The following GALNT18 variants were observed in gnomAD, a reference collection of about 807,000 sequenced individuals.
GALNT18 encodes polypeptide N-acetylgalactosaminyltransferase 18, also known as GalNAc-transferase 18.
Under a neutral mutation model 69.5 loss-of-function variants are expected in GALNT18, and 44 were observed. The ratio of observed to expected loss-of-function variants is 0.63; its 90% CI spans 0.50 to 0.81. GALNT18 has a LOEUF of 0.81. Among genes scored for constraint, GALNT18 ranks in the 40% least tolerant of loss-of-function variants. GALNT18 has a pLI of 0.00. For synonymous variants in GALNT18, 364 were observed against 318.2 expected (o/e 1.14, Z -1.53); for missense variants, 715 against 810.0 (o/e 0.88, Z 1.42).
chr11:11,547,164 C>A (rs991024732), intron 1 of GALNT18, among the ~76,000 whole-genome samples: 2 of 152,138 alleles, frequency 1.3e-5, no homozygotes, highest in Non-Finnish European at 2.9e-5. Context: ...CAAATGACAG[C>A]CACTGCTGTT....
At position 11,332,386 on chromosome 11, in the gene GALNT18, C is replaced by G. The variant is rs1850031662; in HGVS notation, c.1416+308G>C. On this transcript the variant is annotated intron_variant, in intron 8 of 10. Transcript: ENST00000227756. The surrounding 1 kb of genome is among the most constrained non-coding windows in gnomAD (Gnocchi z 4.3). ...CTGGGAGAACAGCAGGTGTTTGTTA[C>G]CTTACCTTTTAATCTTAAGCTAACT... is the stretch of plus-strand genomic sequence containing the variant. Among the ~76,000 whole-genome samples, 1 of 152,152 alleles carries G rather than the reference C, an allele frequency of 6.6e-6. No individual in the cohort carries two copies. The highest frequency in any genetic ancestry group is 1.5e-5 in the Non-Finnish European group (1 of 68,022).
rs1352570842 is a variant in GALNT18 at position 11,592,899 on chromosome 11, G to A, written c.235+28460C>T. ...ATGCTAAGGGTCAGACCAGAACAGA[G>A]GACGCCCATGCTTCGCGTTGTTTTT... On this transcript the variant is annotated intron_variant, in intron 1 of 10. Coordinates refer to ENST00000227756, the MANE Select transcript of GALNT18 (RefSeq NM_198516.3). The surrounding 1 kb of genome is among the most constrained non-coding windows in gnomAD (Gnocchi z 5.9). Among the ~76,000 whole-genome samples the A allele has an allele frequency of 6.6e-6, 1 of 152,128 alleles. No homozygotes were observed. Among genetic ancestry groups the A allele is most frequent in the Non-Finnish European group, 1.5e-5 (1 of 68,026 alleles).
intron 1 of GALNT18, among the ~76,000 whole-genome samples, chr11:11,486,309 C>T (rs1024287940): frequency 6.6e-6 from 1 of 152,120 alleles, no homozygotes; most frequent in African/African-American, 2.4e-5. Context: ...GCCCATGCTG[C>T]ATCAGGACTA....
chr11:11,442,692 G>C (rs1198977168), intron 2 of GALNT18, among the ~76,000 whole-genome samples: 1 of 152,214 alleles, frequency 6.6e-6, no homozygotes, highest in Non-Finnish European at 1.5e-5. Flanking sequence ...CCAGGGCTCT[G>C]TTGTGAGCCT....
At chr11:11,325,195 G>A (rs931860628) in intron 9 of GALNT18, among the ~76,000 whole-genome samples, 2 of 152,204 alleles carry the variant, frequency 1.3e-5, no homozygotes, top group Admixed American at 6.5e-5. Context: ...ATAAAATAAT[G>A]TCTTTTGCAG....
chr11:11,282,902 G>C (rs1393948720), intron 10 of GALNT18, among the ~76,000 whole-genome samples: 1 of 151,218 alleles, frequency 6.6e-6, no homozygotes, highest in Non-Finnish European at 1.5e-5. Context: ...AAGGTGATAA[G>C]GTTGTATACA....
At chr11:11,571,526 A>G (rs1223296708) in intron 1 of GALNT18, among the ~76,000 whole-genome samples, 2 of 152,178 alleles carry the variant, frequency 1.3e-5, no homozygotes, top group Non-Finnish European at 1.5e-5. Context: ...CCCAGTGAAC[A>G]CCAGCTTTCT....
chr11:11,587,537 C>T lies in GALNT18; in HGVS notation c.235+33822G>A, dbSNP rs1477902364. Among the ~76,000 whole-genome samples the T allele has an allele frequency of 2.0e-5, 3 of 152,314 alleles. No individual in the cohort carries two copies. The highest frequency in any genetic ancestry group is 2.1e-4 in the South Asian group (1 of 4,820). ...TGGAGCTCAGCCTAGGATTTGAATACAGGAGCTTTGCAAGACCATCAGTAG... is the reference window on the plus strand; with the variant it reads ...TGGAGCTCAGCCTAGGATTTGAATATAGGAGCTTTGCAAGACCATCAGTAG... On this transcript the variant is annotated intron_variant, in intron 1 of 10. Coordinates refer to ENST00000227756, the MANE Select transcript of GALNT18 (RefSeq NM_198516.3). This position sits in a 1 kb window ranked among gnomAD's most constrained non-coding sequence, Gnocchi z 4.4.
intron 1 of GALNT18, among the ~76,000 whole-genome samples, chr11:11,594,999 G>GTA (rs1554956061): frequency 1.3e-4 from 19 of 147,870 alleles, no homozygotes; most frequent in South Asian, 2.1e-4. Flanking sequence ...GTGTGTGTGT[G>GTA]TATATATATC....
intron 9 of GALNT18, among the ~76,000 whole-genome samples, chr11:11,299,923 C>G (rs1333009953): frequency 6.6e-6 from 1 of 152,224 alleles, no homozygotes; most frequent in Non-Finnish European, 1.5e-5. Flanking sequence ...CCAATCCCCT[C>G]TTCTACCAAC....
At chr11:11,351,324 G>A (rs911037807) in intron 6 of GALNT18, among the ~76,000 whole-genome samples, 1 of 152,190 alleles carries the variant, frequency 6.6e-6, no homozygotes, top group Non-Finnish European at 1.5e-5. Flanking sequence ...CAGGGTGGTA[G>A]AGGAAAGGTC....
rs1431609429 is a variant in GALNT18 at position 11,402,314 on chromosome 11, T to C, written c.596-23050A>G. On this transcript the variant is annotated intron_variant, in intron 3 of 10. Transcript: ENST00000227756. The surrounding 1 kb of genome is among the most constrained non-coding windows in gnomAD (Gnocchi z 4.0). The stretch of plus-strand genomic sequence containing the variant: ...TCATTTATGAAATGTAAGCAACTCA[T>C]CCAATATTCTCAGAAAAAATAACTG... Among the ~76,000 whole-genome samples, 5 of 152,226 alleles carry C rather than the reference T, an allele frequency of 3.3e-5. No individual in the cohort carries two copies. Among genetic ancestry groups the C allele is most frequent in the African/African-American group, 4.8e-5 (2 of 41,458 alleles).
chr11:11,551,471 G>A (rs375651676), intron 1 of GALNT18, among the ~76,000 whole-genome samples: 4 of 152,146 alleles, frequency 2.6e-5, no homozygotes, highest in East Asian at 3.9e-4. Flanking sequence ...GATTCCCAAA[G>A]CCCAGAAATT....
chr11:11,455,925 C>A (rs559242579), intron 1 of GALNT18, among the ~76,000 whole-genome samples: 1 of 152,184 alleles, frequency 6.6e-6, no homozygotes, highest in African/African-American at 2.4e-5. Context: ...CCCATCTCTA[C>A]TAAAAATACA....
Position 11,327,128 on chromosome 11 carries a change from C to T in GALNT18, c.1470G>A (p.Glu490=), listed in dbSNP as rs527964041. The T allele has an allele frequency of 6.2e-7, 1 of 1,614,086 alleles. No individual in the cohort carries two copies. Among genetic ancestry groups the T allele is most frequent in the South Asian group, 1.1e-5 (1 of 91,080 alleles). ...GGCAGATGTACATGATGGGGACATT[C>T]TCTGTATCTGGCCCCTGGTCAAGAC... ...DLCLDQGPDT[E]NVPIMYICHG... Residue 490 remains glutamate (E), a synonymous_variant, in exon 9 of 11, where the codon GAG becomes GAA. Transcript: ENST00000227756.
At chr11:11,286,588 C>T (rs1278623329) in intron 10 of GALNT18, among the ~76,000 whole-genome samples, 1 of 152,028 alleles carries the variant, frequency 6.6e-6, no homozygotes, top group Non-Finnish European at 1.5e-5. Context: ...TAGCTCAAGA[C>T]CTTGCACACA....
At chr11:11,271,598 A>AC (rs1357212316) in intron 10 of GALNT18, among the ~76,000 whole-genome samples, 5 of 64,892 alleles carry the variant, frequency 7.7e-5, no homozygotes, top group Non-Finnish European at 1.8e-4. Context: ...TACAGCTCCT[A>AC]CCCCAGGGGC....
At chr11:11,446,975 G>C (rs577368252) in intron 2 of GALNT18, among the ~76,000 whole-genome samples, 146 of 152,290 alleles carry the variant, frequency 9.6e-4, no homozygotes, top group Non-Finnish European at 1.5e-3. Flanking sequence ...GTGTGGCCTT[G>C]GCATCAGGAT....
chr11:11,436,835 C>G lies in GALNT18; in HGVS notation c.429-4048G>C, dbSNP rs538784304. ...AGTCCAAGTCACCTTGAAAAGAACA[C>G]GCCTCCAAGAGCTGCGTGGGAGAGG... On this transcript the variant is annotated intron_variant, in intron 2 of 10. Transcript: ENST00000227756. This position sits in a 1 kb window ranked among gnomAD's most constrained non-coding sequence, Gnocchi z 4.5. Among the ~76,000 whole-genome samples the G allele has an allele frequency of 6.6e-6, 1 of 152,348 alleles. No homozygotes were observed. Among genetic ancestry groups the G allele is most frequent in the South Asian group, 2.1e-4 (1 of 4,828 alleles).
Sources: allele counts gnomAD v4.1 joint callset (sites outside exome capture counted in the v4.1 genomes callset), GRCh38; gene constraint gnomAD v4.1.1; non-coding constraint Gnocchi (gnomAD v3.1); transcripts MANE v1.5; gene names NCBI Gene and HGNC (gene_info 2026-07-23, HGNC 2026-07-21).